Variants in PIKFYVE observed in about 807,000 individuals in gnomAD.
PIKFYVE encodes phosphoinositide kinase, FYVE-type zinc finger containing.
In PIKFYVE, 122 loss-of-function variants were observed where a neutral mutation model predicts 257.9. The observed-to-expected ratio is 0.47, with a 90% confidence interval of 0.41 to 0.55. The LOEUF (loss-of-function observed/expected upper bound fraction) is 0.55. PIKFYVE is among the 20% of genes least tolerant of loss of function. PIKFYVE has a pLI of 0.00. For missense variants in PIKFYVE, 2,160 were observed against 2,536.6 expected, an observed-to-expected ratio of 0.85 and a Z score of 3.19; for synonymous variants, 892 against 868.9, an observed-to-expected ratio of 1.03 and a Z score of -0.47.
intron 17 of PIKFYVE, among the ~76,000 whole-genome samples, chr2:208,321,628 A>G (rs1351493017): frequency 3.1e-5 from 4 of 130,146 alleles, no homozygotes; most frequent in East Asian, 2.2e-4. Flanking sequence ...CCCAGGCTGG[A>G]GCGCAATGGT....
intron 11 of PIKFYVE, among the ~76,000 whole-genome samples, 163 bp from the exon 12 acceptor site, chr2:208,304,683 A>G (rs1334580177): frequency 2.0e-5 from 3 of 152,220 alleles, no homozygotes; most frequent in Admixed American, 2.0e-4. Context: ...AAATTTTATT[A>G]AGTCTACACA....
At chr2:208,350,697 G>A in intron 36 of PIKFYVE, 74 bp from the exon 37 acceptor site, 1 of 1,517,534 alleles carries the variant, frequency 6.6e-7, no homozygotes, top group Non-Finnish European at 9.1e-7. Flanking sequence ...GCCAGGGTAG[G>A]GAGTGAGGGA....
intron 11 of PIKFYVE, 28 bp from the exon 12 acceptor site, chr2:208,304,818 A>G: frequency 6.2e-7 from 1 of 1,603,042 alleles, no homozygotes; most frequent in South Asian, 1.1e-5. Flanking sequence ...CTCTCCCTAT[A>G]TTTCTTTCCC....
intron 12 of PIKFYVE, among the ~76,000 whole-genome samples, chr2:208,310,580 T>G (rs1694831683): frequency 7.2e-5 from 11 of 152,154 alleles, no homozygotes. Context: ...AATCACGGCT[T>G]CCGTAAATCT....
intron 38 of PIKFYVE, 37 bp from the exon 39 acceptor site, chr2:208,352,617 T>C (rs1425798671): frequency 7.5e-6 from 12 of 1,607,360 alleles, no homozygotes; most frequent in Non-Finnish European, 8.5e-6. Context: ...AAATAACCCT[T>C]TTTGATAAGA....
chr2:208,302,425 TAAA>T, intron 10 of PIKFYVE, 72 bp downstream of exon 10: 1 of 1,328,274 alleles, frequency 7.5e-7, no homozygotes, highest in South Asian at 1.2e-5. Flanking sequence ...TCAGTGGGAA[TAAA>T]AAGTAGTTTA....
Position 208,351,430 on chromosome 2 carries a change from A to T in PIKFYVE, c.5690A>T (p.Tyr1897Phe), listed in dbSNP as rs761561944. The T allele has an allele frequency of 8.7e-6, 14 of 1,611,678 alleles. No individual in the cohort carries two copies. The African/African-American group carries it at 1.9e-4, about 22-fold the overall frequency. The change falls in exon 38 of 42, where the codon TAT becomes TTT. Residue 1897 changes from tyrosine (Y) to phenylalanine (F), a missense_variant. Coordinates refer to ENST00000264380, the MANE Select transcript of PIKFYVE (RefSeq NM_015040.4). ...FLDFAPHYFN[Y>F]ITNAVQQKRP... ...GACTTTGCACCACATTACTTCAATT[A>T]TATTACAAATGCTGTTCAACAAAAG...
intron 30 of PIKFYVE, among the ~76,000 whole-genome samples, 195 bp downstream of exon 30, chr2:208,339,750 A>G (rs1033543659): frequency 2.0e-5 from 3 of 152,184 alleles, no homozygotes; most frequent in Admixed American, 6.5e-5. Context: ...TAAAATTGCT[A>G]TTTAACTCGG....
At chr2:208,334,045 T>A (rs1574679635) in intron 24 of PIKFYVE, among the ~76,000 whole-genome samples, 3 of 152,246 alleles carry the variant, frequency 2.0e-5, no homozygotes, top group Admixed American at 2.0e-4. Context: ...CACATAATTC[T>A]GATAGAGCTA....
intron 12 of PIKFYVE, chr2:208,305,412 T>C (rs1369435362): frequency 1.0e-5 from 11 of 1,078,276 alleles, no homozygotes; most frequent in Non-Finnish European, 1.2e-5. Flanking sequence ...TAACATAATA[T>C]TTCACTAAAC....
At chr2:208,271,259 C>T (rs1689384558) in intron 1 of PIKFYVE, among the ~76,000 whole-genome samples, 1 of 152,062 alleles carries the variant, frequency 6.6e-6, no homozygotes, top group South Asian at 2.1e-4. Context: ...TAAATCTTTT[C>T]TATAATTTGA....
intron 37 of PIKFYVE, among the ~76,000 whole-genome samples, 184 bp from the exon 38 acceptor site, chr2:208,351,168 A>G (rs929145143): frequency 6.6e-6 from 1 of 152,264 alleles, no homozygotes; most frequent in East Asian, 1.9e-4. Flanking sequence ...TTTTGACTAT[A>G]TAAATCCACA....
chr2:208,354,250 T>A, intron 40 of PIKFYVE, 91 bp downstream of exon 40: 1 of 1,425,590 alleles, frequency 7.0e-7, no homozygotes, highest in Non-Finnish European at 9.5e-7. Context: ...TAATAGCTTA[T>A]TGAATATTTT....
chr2:208,288,582 C>A, intron 6 of PIKFYVE, 147 bp from the exon 7 acceptor site: 2 of 1,221,336 alleles, frequency 1.6e-6, no homozygotes, highest in Non-Finnish European at 2.2e-6. Context: ...ATACCATTTA[C>A]ACCCTAATTA....
chr2:208,297,070 A>C (rs1005885328), intron 7 of PIKFYVE, among the ~76,000 whole-genome samples: 1 of 152,052 alleles, frequency 6.6e-6, no homozygotes, highest in African/African-American at 2.4e-5. Context: ...GTCTATCTCC[A>C]TGTGTTTTGA....
intron 16 of PIKFYVE, among the ~76,000 whole-genome samples, chr2:208,318,510 T>C (rs1251693425): frequency 6.6e-6 from 1 of 152,192 alleles, no homozygotes; most frequent in Non-Finnish European, 1.5e-5. Context: ...GGTCTTGAAC[T>C]TTATTCTGAA....
chr2:208,302,280 G>A lies in PIKFYVE; in HGVS notation c.1247G>A (p.Gly416Glu). The change falls in exon 10 of 42, where the codon GGA becomes GAA. Residue 416 changes from glycine to glutamate, a missense_variant. By Grantham distance (98) the Gly-to-Glu change is moderately conservative (BLOSUM62 -2). Around this residue, in one of 12 missense-constraint regions of PIKFYVE, gnomAD observed 90 missense variants for 110.6 expected, o/e 0.81. Coordinates refer to ENST00000264380, the MANE Select transcript of PIKFYVE (RefSeq NM_015040.4). ...GCAATTGGACAAGCAATGGTTGATG[G>A]ACGTTGGCTGGATTGTGTTAGTCAT... is the stretch of plus-strand genomic sequence containing the variant. ...AIAIGQAMVDGRWLDCVSHHD... is the reference protein window; with the variant it reads ...AIAIGQAMVDERWLDCVSHHD... 6.2e-7 allele frequency: 1 copy of A among 1,614,122 alleles called. No homozygotes were observed. Among genetic ancestry groups the A allele is most frequent in the East Asian group, 2.2e-5 (1 of 44,868 alleles).
intron 17 of PIKFYVE, 77 bp from the exon 18 acceptor site, chr2:208,324,065 G>C (rs1696627925): frequency 6.6e-7 from 1 of 1,523,206 alleles, no homozygotes; most frequent in African/African-American, 1.4e-5. Flanking sequence ...TAGGTTGCCT[G>C]TTCACTCTGA....
chr2:208,312,195 C>G (rs1330147389), intron 12 of PIKFYVE, 41 bp from the exon 13 acceptor site: 4 of 1,415,262 alleles, frequency 2.8e-6, no homozygotes, highest in Non-Finnish European at 3.0e-6. Context: ...TCATATGTCT[C>G]TACTTTTGTT....
Sources: gnomAD v4.1 joint callset for allele counts (sites outside exome capture counted in the v4.1 genomes callset) on GRCh38, gnomAD v4.1.1 for gene constraint, gnomAD v4.1.1 regional missense constraint, MANE v1.5 for transcripts, NCBI Gene and HGNC (gene_info 2026-07-23, HGNC 2026-07-21) for gene names.